Variants in PTPN4 observed in about 807,000 individuals in gnomAD.
PTPN4 encodes protein tyrosine phosphatase non-receptor type 4, also known as tyrosine-protein phosphatase non-receptor type 4.
Under a neutral mutation model 135.5 loss-of-function variants are expected in PTPN4, and 49 were observed. The ratio of observed to expected loss-of-function variants is 0.36; its 90% CI spans 0.29 to 0.46. The LOEUF (loss-of-function observed/expected upper bound fraction) is 0.46. Ranked by LOEUF, PTPN4 falls within the 20% of genes least tolerant of loss-of-function variation. The pLI is 1.00. For synonymous variants in PTPN4, 333 were observed against 369.9 expected, an observed-to-expected ratio of 0.90 and a Z score of 1.14; for missense variants, 860 against 1,101.0, an observed-to-expected ratio of 0.78 and a Z score of 3.10.
intron 2 of PTPN4, among the ~76,000 whole-genome samples, chr2:119,833,119 A>G (rs1424694586): frequency 1.3e-5 from 2 of 151,628 alleles, no homozygotes; most frequent in Non-Finnish European, 2.9e-5. Context: ...CACTTCCTTC[A>G]TTGTTCTTCT....
In PTPN4 at chr2:119,862,517, T is replaced by C; in HGVS notation, c.139-19T>C. On this transcript the variant is annotated intron_variant, in intron 2 of 26. Coordinates refer to ENST00000263708, the MANE Select transcript of PTPN4 (RefSeq NM_002830.4). ...ACCTATCAAAGTTGATTTCATTCAA[T>C]TTTTTTTTTTTTTTACAGAAACATG... 6.7e-6 allele frequency: 2 copies of C among 298,132 alleles called. No individual in the cohort carries two copies. Among genetic ancestry groups the C allele is most frequent in the Non-Finnish European group, 5.4e-6 (1 of 185,726 alleles). 18.5% of individuals were successfully genotyped at this position (298,132 alleles called of 1,614,324 possible).
At chr2:119,839,691 G>C (rs1677350885) in intron 2 of PTPN4, among the ~76,000 whole-genome samples, 2 of 152,250 alleles carry the variant, frequency 1.3e-5, no homozygotes, top group African/African-American at 4.8e-5. Context: ...AATAGTATTT[G>C]AAGATACTTC....
chr2:119,895,318 A>G (rs1362041294), intron 9 of PTPN4, among the ~76,000 whole-genome samples: 1 of 152,228 alleles, frequency 6.6e-6, no homozygotes, highest in African/African-American at 2.4e-5. Context: ...ATGTGATAGT[A>G]GAGAGGTCAG....
chr2:119,939,099 T>C (rs1679026849), intron 15 of PTPN4, among the ~76,000 whole-genome samples: 1 of 152,194 alleles, frequency 6.6e-6, no homozygotes, highest in South Asian at 2.1e-4. Context: ...TATAAGCATA[T>C]AATAATTATA....
intron 3 of PTPN4, among the ~76,000 whole-genome samples, chr2:119,876,896 CAT>C (rs140954270): frequency 8.0e-4 from 77 of 96,520 alleles, no homozygotes; most frequent in Admixed American, 1.1e-3. Flanking sequence ...AGCCCAAGAG[CAT>C]GTGTGTGTGT....
chr2:119,830,362 A>G (rs1349517583), intron 2 of PTPN4, among the ~76,000 whole-genome samples: 1 of 151,974 alleles, frequency 6.6e-6, no homozygotes. Context: ...GCCTGGTGGG[A>G]GGTGATTGGA....
At chr2:119,960,515 C>T (rs1324504107) in intron 22 of PTPN4, among the ~76,000 whole-genome samples, 1 of 152,178 alleles carries the variant, frequency 6.6e-6, no homozygotes, top group Non-Finnish European at 1.5e-5. Flanking sequence ...GTGGCTCACA[C>T]CTGTAATCTC....
chr2:119,856,305 T>A (rs1007936886), intron 2 of PTPN4, among the ~76,000 whole-genome samples: 2 of 152,198 alleles, frequency 1.3e-5, no homozygotes, highest in African/African-American at 4.8e-5. Context: ...ATCTGAGATC[T>A]CCCAAGTATG....
chr2:119,813,647 T>C (rs1267130582), intron 2 of PTPN4, among the ~76,000 whole-genome samples: 1 of 152,184 alleles, frequency 6.6e-6, no homozygotes, highest in Admixed American at 6.5e-5. Flanking sequence ...AATGTTACTT[T>C]TTCCATGTTC....
intron 2 of PTPN4, among the ~76,000 whole-genome samples, chr2:119,829,661 T>G (rs969944277): frequency 2.6e-4 from 40 of 152,354 alleles, no homozygotes; most frequent in African/African-American, 9.1e-4. Context: ...CACTTTTTTT[T>G]CATTCCAGAA....
At chr2:119,808,474 T>C (rs183829468) in intron 1 of PTPN4, among the ~76,000 whole-genome samples, 3 of 152,272 alleles carry the variant, frequency 2.0e-5, no homozygotes, top group Non-Finnish European at 2.9e-5. Flanking sequence ...CCATTCACAA[T>C]TGCTACAAAG....
chr2:119,884,102 G>A (rs567416861), intron 8 of PTPN4, among the ~76,000 whole-genome samples: 3 of 152,320 alleles, frequency 2.0e-5, no homozygotes, highest in African/African-American at 7.2e-5. Context: ...GTTTCACCGT[G>A]TTAGCCAGGA....
intron 11 of PTPN4, chr2:119,916,444 T>C (rs1486732525): frequency 6.6e-6 from 1 of 152,230 alleles, no homozygotes; most frequent in African/African-American, 2.4e-5. Flanking sequence ...CTATGGTTTA[T>C]CGTTTATGTT....
intron 1 of PTPN4, among the ~76,000 whole-genome samples, chr2:119,783,219 G>C (rs551183274): frequency 9.2e-5 from 14 of 152,272 alleles, no homozygotes; most frequent in African/African-American, 3.1e-4. Context: ...AACATAGGAA[G>C]CTATCGGGAA....
chr2:119,926,306 CCCA>C (rs1022686827), intron 12 of PTPN4, among the ~76,000 whole-genome samples: 1 of 152,100 alleles, frequency 6.6e-6, no homozygotes, highest in African/African-American at 2.4e-5. Context: ...GTGCCAAAAC[CCCA>C]CCATTTTTCT....
chr2:119,965,368 A>T, intron 24 of PTPN4, 129 bp from the exon 25 acceptor site: 1 of 885,108 alleles, frequency 1.1e-6, no homozygotes, highest in Non-Finnish European at 1.7e-6. Context: ...GATCAATGCT[A>T]AGTGTGCTGC....
intron 15 of PTPN4, among the ~76,000 whole-genome samples, chr2:119,937,957 C>CAAAA (rs75089215): frequency 1.5e-4 from 19 of 130,154 alleles, no homozygotes; most frequent in African/African-American, 4.5e-4. Flanking sequence ...AAACCAAAAC[C>CAAAA]AAAAAAAAAA....
intron 24 of PTPN4, among the ~76,000 whole-genome samples, chr2:119,964,501 T>G (rs1679419359): frequency 6.6e-6 from 1 of 152,356 alleles, no homozygotes; most frequent in Non-Finnish European, 1.5e-5. Flanking sequence ...TAATTTCATC[T>G]GCATTGTGTG....
Position 119,761,673 on chromosome 2 carries a change from T to C in PTPN4, c.-18+1289T>C, listed in dbSNP as rs138418939. On this transcript the variant is annotated intron_variant, in intron 1 of 26. Transcript: ENST00000263708. ...ACACATATCTTTGTTACATTTTGCA[T>C]TGAAACACGCACGGTCCCATAGTAT... Among the ~76,000 whole-genome samples the C allele has an allele frequency of 9.7e-4, 147 of 152,324 alleles. 2 individuals carry two copies. The highest frequency in any genetic ancestry group is 3.2e-3 in the African/African-American group (133 of 41,590).
Sources: gnomAD v4.1 joint callset for allele counts (sites outside exome capture counted in the v4.1 genomes callset) on GRCh38, gnomAD v4.1.1 for gene constraint, MANE v1.5 for transcripts, NCBI Gene and HGNC (gene_info 2026-07-23, HGNC 2026-07-21) for gene names.